The following LCORL variants were observed in gnomAD, a reference collection of about 807,000 sequenced individuals.
LCORL encodes the protein ligand dependent nuclear receptor corepressor like, also known as ligand-dependent nuclear receptor corepressor-like protein.
In LCORL, 41 loss-of-function variants were observed where a neutral mutation model predicts 141.8. That is an observed-to-expected ratio of 0.29 (90% confidence interval 0.23 to 0.38). The LOEUF (loss-of-function observed/expected upper bound fraction) is 0.38, where lower values mean the gene tolerates loss of function less well. Ranked by LOEUF, LCORL falls within the 10% of genes least tolerant of loss-of-function variation. The pLI, the probability that LCORL is intolerant of heterozygous loss-of-function variation, is 1.00. For synonymous variants in LCORL, 618 were observed against 694.1 expected (o/e 0.89, Z 1.72); for missense variants, 1,759 against 2,035.0 (o/e 0.86, Z 2.61).
rs889609740 is a variant in LCORL, at chr4:17,912,544, C to T, written c.431-3199G>A. 37 of 469,242 alleles carry T rather than the reference C, an allele frequency of 7.9e-5. 1 individual carries two copies. Among genetic ancestry groups the T allele is most frequent in the South Asian group, 6.2e-4 (37 of 59,876 alleles). The allele number at this position is 469,242 out of a possible 1,614,324, so 29.1% of individuals were successfully genotyped here. A position where few individuals can be genotyped will look rare whatever the true frequency, so the allele number is the denominator to read the frequency against. ...TTGAGGAGAGCACCACAGTCATCAC[C>T]ACACAGTCTGCCGGAATTGGAGCTG... On this transcript the variant is annotated intron_variant, in intron 4 of 7. Coordinates refer to ENST00000635767, the Ensembl canonical transcript of LCORL.
At chr4:17,994,138 G>A (rs1025174581) in intron 1 of LCORL, among the ~76,000 whole-genome samples, 11 of 152,158 alleles carry the variant, frequency 7.2e-5, no homozygotes, top group Admixed American at 7.2e-4. Flanking sequence ...GCAGGTGGAA[G>A]ATGGGGTCTA....
At chr4:17,900,195 G>A (rs1004570307) in intron 5 of LCORL, among the ~76,000 whole-genome samples, 19 of 151,846 alleles carry the variant, frequency 1.3e-4, no homozygotes, top group African/African-American at 2.2e-4. Flanking sequence ...TTAAAAAAAT[G>A]ACATTCTTTA....
At chr4:17,903,011 T>C (rs1258141470) in intron 5 of LCORL, among the ~76,000 whole-genome samples, 1 of 152,136 alleles carries the variant, frequency 6.6e-6, no homozygotes, top group South Asian at 2.1e-4. Context: ...TTAAAAAGTA[T>C]ATTTCAGAAT....
At chr4:17,872,704 T>C (rs879558325) in intron 7 of LCORL, among the ~76,000 whole-genome samples, 5 of 152,174 alleles carry the variant, frequency 3.3e-5, no homozygotes, top group Non-Finnish European at 7.4e-5. Flanking sequence ...TTGCTAGTTA[T>C]GGATTACCTG....
At chr4:17,898,652 GTTT>G (rs34770223) in intron 5 of LCORL, among the ~76,000 whole-genome samples, 4,215 of 119,258 alleles carry the variant, frequency 0.035, 186 homozygotes, top group African/African-American at 0.12. Flanking sequence ...CATTCTCACC[GTTT>G]TTTTTTTTTT....
chr4:17,918,104 T>A (rs1423827166), intron 4 of LCORL, among the ~76,000 whole-genome samples: 1 of 152,198 alleles, frequency 6.6e-6, no homozygotes, highest in South Asian at 2.1e-4. Flanking sequence ...ATTAGTTGAT[T>A]GATCACTAAG....
At chr4:17,909,319 T>C (rs1312975267) in exon 5 of LCORL, 2 of 1,608,878 alleles carry the variant, frequency 1.2e-6, no homozygotes, top group Admixed American at 1.7e-5. Flanking sequence ...ACTAGGGGAA[T>C]GTTAGGATCA....
intron 1 of LCORL, among the ~76,000 whole-genome samples, chr4:17,981,511 C>T (rs1197153814): frequency 1.3e-5 from 2 of 152,100 alleles, no homozygotes; most frequent in Non-Finnish European, 2.9e-5. Context: ...AATCCCAGCA[C>T]TTTGGGAGGC....
chr4:17,875,949 G>A (rs192047055), exon 7 of LCORL: 75 of 1,231,152 alleles, frequency 6.1e-5, no homozygotes, highest in African/African-American at 5.6e-4. Context: ...TTCAGAGTTC[G>A]CATTTGAGAT....
intron 6 of LCORL, chr4:17,881,031 A>G: frequency 1.0e-6 from 1 of 981,998 alleles, no homozygotes. Context: ...AACAACTAAA[A>G]AAATCAGTCT....
chr4:17,847,155 A>C (rs1349562088), intron 7 of LCORL, among the ~76,000 whole-genome samples: 1 of 152,238 alleles, frequency 6.6e-6, no homozygotes, highest in East Asian at 1.9e-4. Context: ...CCACATATTC[A>C]GATGTGAATC....
chr4:18,004,818 G>T (rs1282278906), intron 1 of LCORL, among the ~76,000 whole-genome samples: 1 of 152,178 alleles, frequency 6.6e-6, no homozygotes, highest in African/African-American at 2.4e-5. Context: ...CAGATACAAT[G>T]GGGGTAACAG....
chr4:17,942,319 C>T (rs994345962), intron 4 of LCORL, among the ~76,000 whole-genome samples: 2 of 151,922 alleles, frequency 1.3e-5, no homozygotes, highest in Non-Finnish European at 2.9e-5. Flanking sequence ...CATGACAAGA[C>T]CATGCAAAAT....
chr4:17,995,306 A>C (rs1225443393), intron 1 of LCORL, among the ~76,000 whole-genome samples: 2 of 151,910 alleles, frequency 1.3e-5, no homozygotes, highest in Non-Finnish European at 2.9e-5. Context: ...TCCATTAATA[A>C]AGGTGTTGCT....
chr4:17,944,067 C>T (rs1410281301), intron 4 of LCORL, among the ~76,000 whole-genome samples: 1 of 152,082 alleles, frequency 6.6e-6, no homozygotes, highest in Non-Finnish European at 1.5e-5. Context: ...TGCCACTGTC[C>T]ATAGTTTTTT....
intron 4 of LCORL, among the ~76,000 whole-genome samples, chr4:17,936,438 G>A (rs910654629): frequency 3.3e-5 from 5 of 151,506 alleles, no homozygotes; most frequent in African/African-American, 7.3e-5. Context: ...GTGGCAGGGC[G>A]TAGAACACTG....
chr4:18,014,550 T>TA (rs1336554513), intron 1 of LCORL, among the ~76,000 whole-genome samples: 1 of 151,000 alleles, frequency 6.6e-6, no homozygotes, highest in Non-Finnish European at 1.5e-5. Context: ...CAGATTAAGG[T>TA]AAAAAAAAGA....
chr4:17,871,855 T>G (rs1163680172), intron 7 of LCORL, among the ~76,000 whole-genome samples: 1 of 152,056 alleles, frequency 6.6e-6, no homozygotes, highest in East Asian at 1.9e-4. Flanking sequence ...GAGAATCTAC[T>G]TTGGCCAACC....
At chr4:17,957,290 T>C (rs1712856927) in intron 4 of LCORL, among the ~76,000 whole-genome samples, 1 of 152,008 alleles carries the variant, frequency 6.6e-6, no homozygotes, top group Non-Finnish European at 1.5e-5. Flanking sequence ...ATCTTGAAAG[T>C]TGCCTGCCAG....
Sources: gnomAD v4.1 joint callset for allele counts (sites outside exome capture counted in the v4.1 genomes callset) on GRCh38, gnomAD v4.1.1 for gene constraint, MANE v1.5 for transcripts, NCBI Gene and HGNC (gene_info 2026-07-23, HGNC 2026-07-21) for gene names.